The following GPC5 variants were observed in gnomAD, a reference collection of about 807,000 sequenced individuals.
GPC5 encodes glypican 5.
GPC5 carries 47 observed loss-of-function variants against 53.9 expected under a neutral mutation model. The observed-to-expected ratio is 0.87, with a 90% CI of 0.69 to 1.11. The LOEUF (loss-of-function observed/expected upper bound fraction) is 1.11, where lower values mean the gene tolerates loss of function less well. GPC5 is among the 50% of genes most tolerant of loss of function. The pLI is 0.00. For missense variants in GPC5, 748 were observed against 713.1 expected, an observed-to-expected ratio of 1.05 and a Z score of -0.56; for synonymous variants, 286 against 263.3, an observed-to-expected ratio of 1.09 and a Z score of -0.84.
At chr13:92,003,139 C>G (rs1302778500) in intron 6 of GPC5, among the ~76,000 whole-genome samples, 1 of 151,778 alleles carries the variant, frequency 6.6e-6, no homozygotes, top group East Asian at 1.9e-4. Flanking sequence ...GACAAAACCC[C>G]GTCTCTACTA....
chr13:92,319,922 A>T (rs951969838), intron 7 of GPC5, among the ~76,000 whole-genome samples: 1 of 152,100 alleles, frequency 6.6e-6, no homozygotes, highest in Non-Finnish European at 1.5e-5. Context: ...TAGTCATTTA[A>T]TTTGTCATTG....
At chr13:92,445,318 A>G (rs1427084361) in intron 7 of GPC5, among the ~76,000 whole-genome samples, 10 of 89,604 alleles carry the variant, frequency 1.1e-4, no homozygotes, top group Admixed American at 9.4e-4. Context: ...ATTTTATTTT[A>G]TTTTATTTTA....
chr13:92,640,048 T>G (rs536179221), intron 7 of GPC5, among the ~76,000 whole-genome samples: 98 of 151,630 alleles, frequency 6.5e-4, no homozygotes, highest in Non-Finnish European at 1.2e-3. Flanking sequence ...GGCACCTAAG[T>G]CAAATGTAGC....
intron 2 of GPC5, among the ~76,000 whole-genome samples, chr13:91,558,110 G>C (rs879567126): frequency 6.6e-6 from 1 of 152,078 alleles, no homozygotes; most frequent in Non-Finnish European, 1.5e-5. Context: ...AATAGGAAAG[G>C]AATTGGAATT....
intron 7 of GPC5, among the ~76,000 whole-genome samples, chr13:92,514,915 A>C (rs1019119949): frequency 6.6e-6 from 1 of 152,186 alleles, no homozygotes; most frequent in Non-Finnish European, 1.5e-5. Context: ...TATTTCATGC[A>C]CCGTCATTGA....
At chr13:92,742,308 T>C (rs1889122012) in intron 7 of GPC5, among the ~76,000 whole-genome samples, 1 of 151,986 alleles carries the variant, frequency 6.6e-6, no homozygotes, top group Non-Finnish European at 1.5e-5. Context: ...CTCATTGTGG[T>C]TTTGATTTGT....
intron 1 of GPC5, among the ~76,000 whole-genome samples, chr13:91,441,629 G>C (rs1330824672): frequency 6.6e-6 from 1 of 152,198 alleles, no homozygotes; most frequent in East Asian, 1.9e-4. Context: ...AGGAGGCACA[G>C]AGGCTGGCTA....
At chr13:91,893,702 T>C (rs922760511) in intron 5 of GPC5, among the ~76,000 whole-genome samples, 1 of 152,160 alleles carries the variant, frequency 6.6e-6, no homozygotes, top group Non-Finnish European at 1.5e-5. Context: ...AGTCTTACAA[T>C]GTCTGTGGAC....
At chr13:92,476,184 A>T in intron 7 of GPC5, among the ~76,000 whole-genome samples, 1 of 152,206 alleles carries the variant, frequency 6.6e-6, no homozygotes, top group Non-Finnish European at 1.5e-5. Flanking sequence ...AATGAACTCA[A>T]ACAAATTTAC....
chr13:92,142,617 A>C (rs2041839766), intron 6 of GPC5, among the ~76,000 whole-genome samples: 1 of 152,190 alleles, frequency 6.6e-6, no homozygotes, highest in Admixed American at 6.5e-5. Flanking sequence ...AACCAAAATC[A>C]ATTTCTTAAA....
rs192879284 is a variant in GPC5 at position 91,834,483 on chromosome 13, T to C, written c.1281-73454T>C. Among the ~76,000 whole-genome samples the C allele has an allele frequency of 2.5e-3, 376 of 152,248 alleles. 4 individuals carry two copies. The highest frequency in any genetic ancestry group is 7.7e-3 in the African/African-American group (321 of 41,566). On this transcript the variant is annotated intron_variant, in intron 5 of 7. Transcript: ENST00000377067. ...ACAAAGCTGGAGGCATCACACTACCTGACTTCAAACTATACTACAAAGCTA... is the reference window on the plus strand; with the variant it reads ...ACAAAGCTGGAGGCATCACACTACCCGACTTCAAACTATACTACAAAGCTA...
intron 2 of GPC5, among the ~76,000 whole-genome samples, chr13:91,561,518 A>G (rs1179556784): frequency 1.3e-5 from 2 of 152,124 alleles, no homozygotes; most frequent in East Asian, 3.9e-4. Flanking sequence ...GAACTATTGT[A>G]AATTTCATCA....
intron 7 of GPC5, among the ~76,000 whole-genome samples, chr13:92,200,276 A>G (rs1473732891): frequency 1.3e-5 from 2 of 152,236 alleles, no homozygotes; most frequent in East Asian, 3.9e-4. Flanking sequence ...ATTCACATCT[A>G]TGAACGCTAT....
At chr13:92,448,026 C>T (rs533429363) in intron 7 of GPC5, 22 of 152,030 alleles carry the variant, frequency 1.4e-4, no homozygotes, top group African/African-American at 4.8e-4. Context: ...AATGCAGCAG[C>T]TATCGAACAG....
intron 7 of GPC5, among the ~76,000 whole-genome samples, chr13:92,734,356 ATATTGT>A (rs577402546): frequency 2.2e-4 from 33 of 151,942 alleles, no homozygotes; most frequent in Admixed American, 2.0e-3. Flanking sequence ...GATAATACAG[ATATTGT>A]TAGTGTCAGC....
At chr13:91,954,304 T>C (rs2040053736) in intron 6 of GPC5, among the ~76,000 whole-genome samples, 1 of 152,156 alleles carries the variant, frequency 6.6e-6, no homozygotes, top group African/African-American at 2.4e-5. Context: ...TAACAGCCCA[T>C]TTTCTCTATG....
chr13:92,141,512 A>G (rs1466158496), intron 6 of GPC5, among the ~76,000 whole-genome samples: 2 of 152,190 alleles, frequency 1.3e-5, no homozygotes, highest in African/African-American at 4.8e-5. Flanking sequence ...ATGACCTCTC[A>G]TTCTGAGAAA....
chr13:91,846,969 C>T (rs2038856330), intron 5 of GPC5, among the ~76,000 whole-genome samples: 2 of 151,966 alleles, frequency 1.3e-5, no homozygotes, highest in Non-Finnish European at 2.9e-5. Context: ...CCTGTAATCC[C>T]AGCACTTTGG....
intron 6 of GPC5, among the ~76,000 whole-genome samples, chr13:92,105,964 G>A (rs906771068): frequency 6.6e-5 from 10 of 151,854 alleles, no homozygotes; most frequent in African/African-American, 2.4e-4. Context: ...GAAGAATACA[G>A]TATTTATGTT....
Sources: gnomAD v4.1 joint callset for allele counts (sites outside exome capture counted in the v4.1 genomes callset) on GRCh38, gnomAD v4.1.1 for gene constraint, MANE v1.5 for transcripts, NCBI Gene and HGNC (gene_info 2026-07-23, HGNC 2026-07-21) for gene names.